SLC6A18: variants seen among roughly 807,000 people sequenced by gnomAD.
SLC6A18 encodes the protein inactive sodium-dependent neutral amino acid transporter B(0)AT3.
SLC6A18 carries 58 observed loss-of-function variants against 62.9 expected under a neutral mutation model. The ratio of observed to expected loss-of-function variants is 0.92; its 90% CI spans 0.75 to 1.15. The LOEUF is 1.15. Among genes scored for constraint, SLC6A18 ranks in the 50% most tolerant of loss-of-function variants. The pLI is 0.00. For synonymous variants in SLC6A18, 382 were observed against 365.8 expected (o/e 1.04, Z -0.51); for missense variants, 793 against 836.6 (o/e 0.95, Z 0.64).
At chr5:1,233,090 G>A (rs1260516376) in intron 3 of SLC6A18, among the ~76,000 whole-genome samples, 2 of 152,244 alleles carry the variant, frequency 1.3e-5, no homozygotes, top group Non-Finnish European at 2.9e-5. Context: ...TGACCTCCAC[G>A]CTGTGCTGTG....
intron 1 of SLC6A18, among the ~76,000 whole-genome samples, chr5:1,228,052 C>G (rs1340452545): frequency 1.3e-5 from 2 of 150,976 alleles, no homozygotes; most frequent in Admixed American, 1.3e-4. Flanking sequence ...ATTCTTGCAC[C>G]AAAAACGACA....
chr5:1,243,524 G>A lies in SLC6A18; in HGVS notation c.1132-31G>A, dbSNP rs752302912. The A allele has an allele frequency of 3.1e-6, 5 of 1,608,590 alleles. No homozygotes were observed. The East Asian group carries it at 1.1e-4, about 36-fold the overall frequency. On this transcript the variant is annotated intron_variant, in intron 8 of 11. Transcript: ENST00000324642. This position sits in a 1 kb window ranked among gnomAD's most constrained non-coding sequence, Gnocchi z 6.5. ...TGTGTGGTGGAGTGTGTGTGTGCGTGGCCTGAAGCCCGGGGCTCCGTGTAT... is the reference window on the plus strand; with the variant it reads ...TGTGTGGTGGAGTGTGTGTGTGCGTAGCCTGAAGCCCGGGGCTCCGTGTAT...
At chr5:1,235,121 C>T (rs191733223) in intron 3 of SLC6A18, among the ~76,000 whole-genome samples, 8 of 152,340 alleles carry the variant, frequency 5.3e-5, no homozygotes, top group Admixed American at 3.3e-4. Flanking sequence ...CACATGCAGC[C>T]GCTCTCCGTC....
chr5:1,244,175 C>CCCACCCCAA, intron 9 of SLC6A18, 39 bp from the exon 10 acceptor site: 1 of 893,916 alleles, frequency 1.1e-6, no homozygotes, highest in Non-Finnish European at 1.8e-6. Context: ...CTCCACTCCC[C>CCCACCCCAA]ATCCCCTTAC....
chr5:1,244,955 G>GCC (rs200483479), intron 11 of SLC6A18, among the ~76,000 whole-genome samples, 188 bp downstream of exon 11: 1 of 54,054 alleles, frequency 1.8e-5, no homozygotes, highest in Non-Finnish European at 3.7e-5. Context: ...TTTGTGCAGC[G>GCC]CCCGAGTGCC....
At position 1,239,443 on chromosome 5, in the gene SLC6A18, A is replaced by G. The variant is rs1306063085; in HGVS notation, c.733-7A>G. ...CTGAGTGAGACGCTCTCCCTGACTC[A>G]TTCCAGATGCACATTCTCCAGAACC... On this transcript the variant is annotated splice_polypyrimidine_tract_variant and splice_region_variant and intron_variant, in intron 5 of 11. Transcript: ENST00000324642. The G allele has an allele frequency of 6.2e-7, 1 of 1,608,946 alleles. No homozygotes were observed. Among genetic ancestry groups the G allele is most frequent in the Admixed American group, 1.7e-5 (1 of 60,008 alleles).
At chr5:1,229,769 G>A (rs958195169) in intron 1 of SLC6A18, among the ~76,000 whole-genome samples, 5 of 151,036 alleles carry the variant, frequency 3.3e-5, no homozygotes, top group African/African-American at 4.9e-5. Context: ...AGGCCTCCAC[G>A]GTGCAGGCTG....
In SLC6A18 at chr5:1,238,537, AAAGAGGTCAGGTTT is replaced by A. The variant is rs1186386061; in HGVS notation, c.732+478_732+491del. 6.6e-4 allele frequency among the ~76,000 whole-genome samples: 30 copies of A among 45,124 alleles called. 1 individual carries two copies. The highest frequency in any genetic ancestry group is 9.0e-4 in the Non-Finnish European group (21 of 23,432). 29.6% of individuals were successfully genotyped at this position (45,124 alleles called of 152,430 possible). A position where few individuals can be genotyped will look rare whatever the true frequency, so the allele number is the denominator to read the frequency against. ...TTTGGAGTGAGCCAGGGGCCTCAGG[AAAGAGGTCAGGTTT>A]GGAGTGAGCTTGGGGCCTCAGGAAA... On this transcript the variant is annotated intron_variant, in intron 5 of 11. Transcript: ENST00000324642.
intron 4 of SLC6A18, among the ~76,000 whole-genome samples, chr5:1,237,102 C>T (rs900452911): frequency 2.6e-5 from 4 of 151,560 alleles, no homozygotes; most frequent in Non-Finnish European, 4.4e-5. Flanking sequence ...ATTAGCCAGC[C>T]GTGGTGTTGG....
intron 7 of SLC6A18, 125 bp downstream of exon 7, chr5:1,240,784 G>C: frequency 7.5e-7 from 1 of 1,334,594 alleles, no homozygotes; most frequent in Non-Finnish European, 1.0e-6. Context: ...GGGGTGTGGA[G>C]TGAATGGTGT....
rs746832913 is a variant in SLC6A18 at position 1,239,597 on chromosome 5, G to A, written c.845+35G>A. 4 of 1,525,554 alleles carry A rather than the reference G, an allele frequency of 2.6e-6. No homozygotes were observed. The South Asian group carries it at 4.5e-5, about 17-fold the overall frequency. The allele number at this position is 1,525,554 out of a possible 1,614,324, so 94.5% of individuals were successfully genotyped here. On this transcript the variant is annotated intron_variant, in intron 6 of 11. Transcript: ENST00000324642. ...CGGGCTCAGCTGTCCAGCCAGGGAA[G>A]CTTTGGGGAGACGCCCGAGCACTTC...
chr5:1,243,618 G>T lies in SLC6A18; in HGVS notation c.1195G>T (p.Ala399Ser). ...GGAGACCGACCTCCACATGCCGGGG[G>T]CTCCTGTGTGGGCCATGCTCTTCTT... ...FTETDLHMPGAPVWAMLFFGM... is the reference protein window; with the variant it reads ...FTETDLHMPGSPVWAMLFFGM... The change falls in exon 9 of 12, where the codon GCT becomes TCT. Residue 399 changes from alanine (A) to serine (S), a missense_variant. Ala to Ser is a moderately conservative substitution (Grantham distance 99). Transcript: ENST00000324642. This position sits in a 1 kb window ranked among gnomAD's most constrained non-coding sequence, Gnocchi z 6.5. 2 of 1,614,066 alleles carry T rather than the reference G, an allele frequency of 1.2e-6. No individual in the cohort carries two copies. Among genetic ancestry groups the T allele is most frequent in the Non-Finnish European group, 1.7e-6 (2 of 1,180,006 alleles).
chr5:1,233,759 T>TTTTTTTTTTGG (rs1561176464), intron 3 of SLC6A18, among the ~76,000 whole-genome samples: 1 of 151,298 alleles, frequency 6.6e-6, no homozygotes, highest in African/African-American at 2.4e-5. Context: ...ATTTTTTTTT[T>TTTTTTTTTTGG]GAGACGGAGT....
At chr5:1,234,627 C>T (rs1746837707) in intron 3 of SLC6A18, among the ~76,000 whole-genome samples, 1 of 152,266 alleles carries the variant, frequency 6.6e-6, no homozygotes, top group South Asian at 2.1e-4. Context: ...CTGCCCTTCC[C>T]ACATCTGCCC....
In SLC6A18 at chr5:1,244,614, C is replaced by T. The variant is rs147945040; in HGVS notation, c.1503C>T (p.Cys501=). ...AGCCCAGCATCTGGTGCAGGTTCTG[C>T]GATGACATTGCGTGGATGACCGGGA... is the stretch of plus-strand genomic sequence containing the variant. ...VVYVYGMKRF[C]DDIAWMTGRR... is the part of the protein sequence containing the mutation. The change falls in exon 11 of 12, where the codon TGC becomes TGT. Residue 501 remains cysteine (C), a synonymous_variant. Transcript: ENST00000324642. 9.0e-5 allele frequency: 144 copies of T among 1,595,274 alleles called. No homozygotes were observed. The African/African-American group carries it at 1.4e-3, about 15-fold the overall frequency.
Position 1,239,471 on chromosome 5 carries a change from C to T in SLC6A18, c.754C>T (p.Arg252Trp), listed in dbSNP as rs142665386. 172 of 1,613,900 alleles carry T rather than the reference C, an allele frequency of 1.1e-4. No individual in the cohort carries two copies. The highest frequency in any genetic ancestry group is 1.4e-4 in the Non-Finnish European group (164 of 1,179,900). ...CCAGATGCACATTCTCCAGAACCCC[C>T]GGGTGTGGCTGGACGCAGCCACCCA... ...TPNMHILQNP[R>W]VWLDAATQIF... The change falls in exon 6 of 12, where the codon CGG (arginine) becomes TGG (tryptophan). Residue 252 changes from arginine to tryptophan, a missense_variant. Physicochemically the swap from Arg to Trp is moderately radical, Grantham distance 101. Transcript: ENST00000324642.
chr5:1,232,425 T>C, intron 2 of SLC6A18, 66 bp downstream of exon 2: 1 of 1,432,260 alleles, frequency 7.0e-7, no homozygotes, highest in Non-Finnish European at 9.4e-7. Context: ...GGATGAGAGG[T>C]GGGGCGGGGG....
At position 1,246,077 on chromosome 5, in the gene SLC6A18, G is replaced by A. The variant is rs1337714433; in HGVS notation, c.1886G>A (p.Ter629=). ...TDMRPDTDMR[*] ...ATGCGCCCGGACACGGACATGCGCTGAAGCCGGCCGGAGCGGGGCCTGCAT... is the reference window on the plus strand; with the variant it reads ...ATGCGCCCGGACACGGACATGCGCTAAAGCCGGCCGGAGCGGGGCCTGCAT... The change falls in exon 12 of 12, where the codon TGA becomes TAA. Residue 629 remains the stop codon, a stop_retained_variant. Transcript: ENST00000324642. 6.4e-7 allele frequency: 1 copy of A among 1,569,830 alleles called. No homozygotes were observed. Among genetic ancestry groups the A allele is most frequent in the East Asian group, 2.3e-5 (1 of 42,946 alleles).
In SLC6A18 at chr5:1,246,017, TGCGCCCGGACACGGACAC is replaced by T. The variant is rs771610413; in HGVS notation, c.1833_1850del (p.Thr615_Asp620del). On this transcript the variant is annotated inframe_deletion, in exon 12 of 12. Coordinates refer to ENST00000324642, the MANE Select transcript of SLC6A18 (RefSeq NM_182632.3). ...AGGGACGCGCGCCCAGACACGGACA[TGCGCCCGGACACGGACAC>T]GCGCCCAGACACGGACATGCGCCCG... The T allele has an allele frequency of 3.1e-6, 5 of 1,595,356 alleles. No individual in the cohort carries two copies. In the Admixed American group the frequency reaches 8.4e-5, roughly 27 times the overall value.
Sources: gnomAD v4.1 joint callset for allele counts (sites outside exome capture counted in the v4.1 genomes callset) on GRCh38, gnomAD v4.1.1 for gene constraint, Gnocchi (gnomAD v3.1) non-coding constraint, MANE v1.5 for transcripts, NCBI Gene and HGNC (gene_info 2026-07-23, HGNC 2026-07-21) for gene names.